SLC25A48: variants seen among roughly 807,000 people sequenced by gnomAD.
SLC25A48 encodes solute carrier family 25 member 48.
In SLC25A48, 29 loss-of-function variants were observed where a neutral mutation model predicts 32.2. That is an observed-to-expected ratio of 0.90 (90% confidence interval 0.67 to 1.23). The LOEUF (loss-of-function observed/expected upper bound fraction) is 1.23, where lower values mean the gene tolerates loss of function less well. Among genes scored for constraint, SLC25A48 ranks in the 50% most tolerant of loss-of-function variants. The pLI, the probability that SLC25A48 is intolerant of heterozygous loss-of-function variation, is 0.00. For synonymous variants in SLC25A48, 164 were observed against 172.3 expected, an observed-to-expected ratio of 0.95 and a Z score of 0.38; for missense variants, 399 against 422.7, an observed-to-expected ratio of 0.94 and a Z score of 0.49.
intron 3 of SLC25A48, among the ~76,000 whole-genome samples, chr5:135,726,601 C>T (rs901884303): frequency 3.3e-5 from 5 of 152,158 alleles, no homozygotes; most frequent in East Asian, 1.9e-4. Context: ...TCTTACTCAG[C>T]GTAATGCTCT....
At chr5:135,699,848 A>G (rs1263506501) in intron 3 of SLC25A48, among the ~76,000 whole-genome samples, 1 of 152,166 alleles carries the variant, frequency 6.6e-6, no homozygotes, top group Non-Finnish European at 1.5e-5. Flanking sequence ...TTTAATATCC[A>G]GTCTCTTATT....
chr5:135,839,866 C>T (rs1358736682), intron 1 of SLC25A48, among the ~76,000 whole-genome samples: 1 of 152,198 alleles, frequency 6.6e-6, no homozygotes, highest in Non-Finnish European at 1.5e-5. Context: ...GTTCCCCAAG[C>T]TCTCTTTTTG....
chr5:135,770,085 C>CA (rs1554073418), intron 3 of SLC25A48, among the ~76,000 whole-genome samples: 16 of 151,038 alleles, frequency 1.1e-4, no homozygotes, highest in Admixed American at 7.3e-4. Context: ...TCCTAATAGC[C>CA]GGGGGGGAGA....
intron 1 of SLC25A48, among the ~76,000 whole-genome samples, chr5:135,593,248 G>T (rs967586288): frequency 6.6e-6 from 1 of 152,154 alleles, no homozygotes; most frequent in African/African-American, 2.4e-5. Flanking sequence ...CAGAAGCCAG[G>T]ACTTCTTGAT....
intron 1 of SLC25A48, among the ~76,000 whole-genome samples, chr5:135,586,221 G>T (rs551971844): frequency 6.6e-6 from 1 of 152,050 alleles, no homozygotes; most frequent in African/African-American, 2.4e-5. Context: ...GTGGGGGGAC[G>T]CTCCCTACCT....
chr5:135,867,293 G>C (rs893286451), intron 4 of SLC25A48, among the ~76,000 whole-genome samples: 1 of 152,180 alleles, frequency 6.6e-6, no homozygotes, highest in African/African-American at 2.4e-5. Context: ...GCACCTCGTA[G>C]TCTTCCTCAG....
At chr5:135,803,094 G>A (rs888970396) in intron 3 of SLC25A48, 12 of 151,270 alleles carry the variant, frequency 7.9e-5, no homozygotes, top group Middle Eastern at 3.2e-3. Flanking sequence ...AATATCCTAT[G>A]GAGGTATTAC....
intron 3 of SLC25A48, among the ~76,000 whole-genome samples, chr5:135,781,891 C>T (rs1305464460): frequency 1.8e-5 from 2 of 113,380 alleles, no homozygotes; most frequent in East Asian, 4.4e-4. Context: ...TGTTCACTTC[C>T]CATGTGATAT....
intron 1 of SLC25A48, among the ~76,000 whole-genome samples, chr5:135,588,084 G>T (rs1314942855): frequency 6.6e-6 from 1 of 152,270 alleles, no homozygotes; most frequent in Non-Finnish European, 1.5e-5. Flanking sequence ...TGCTCCTGGT[G>T]TCGTGGCTGA....
chr5:135,886,665 TGTGTGTGTGAGAGA>T (rs1561567888), intron 7 of SLC25A48, among the ~76,000 whole-genome samples: 8 of 102,514 alleles, frequency 7.8e-5, no homozygotes, highest in African/African-American at 2.3e-4. Context: ...TGTGTGTGTG[TGTGTGTGTGAGAGA>T]GAGAGAGAGA....
At chr5:135,743,780 G>A (rs1013735077) in intron 3 of SLC25A48, among the ~76,000 whole-genome samples, 2 of 152,174 alleles carry the variant, frequency 1.3e-5, no homozygotes, top group Non-Finnish European at 1.5e-5. Context: ...CATCTCCATC[G>A]TGGGATGACT....
intron 1 of SLC25A48, among the ~76,000 whole-genome samples, chr5:135,594,047 C>T (rs1216363881): frequency 6.6e-6 from 1 of 152,302 alleles, no homozygotes; most frequent in South Asian, 2.1e-4. Context: ...AATGAATGAA[C>T]AGTCCCCCGA....
chr5:135,786,256 A>G (rs1756846652), intron 3 of SLC25A48, among the ~76,000 whole-genome samples: 1 of 151,912 alleles, frequency 6.6e-6, no homozygotes, highest in Non-Finnish European at 1.5e-5. Flanking sequence ...GGGTGATATT[A>G]CTCCCAATTC....
At chr5:135,861,330 C>CAA (rs1397427780) in intron 4 of SLC25A48, among the ~76,000 whole-genome samples, 1 of 152,024 alleles carries the variant, frequency 6.6e-6, no homozygotes, top group Non-Finnish European at 1.5e-5. Flanking sequence ...CACACACACA[C>CAA]ACACACACAC....
intron 2 of SLC25A48, among the ~76,000 whole-genome samples, chr5:135,631,581 C>T (rs1192694333): frequency 6.6e-6 from 1 of 152,148 alleles, no homozygotes; most frequent in Non-Finnish European, 1.5e-5. Flanking sequence ...CCAGGGTGAC[C>T]CAACAAATGG....
At chr5:135,758,390 T>G (rs975981420) in intron 3 of SLC25A48, among the ~76,000 whole-genome samples, 19 of 150,826 alleles carry the variant, frequency 1.3e-4, no homozygotes, top group Non-Finnish European at 2.5e-4. Context: ...TACTGTGATA[T>G]TAATAGAATA....
chr5:135,874,222 T>C, intron 6 of SLC25A48, 68 bp downstream of exon 6: 2 of 1,390,968 alleles, frequency 1.4e-6, no homozygotes, highest in Non-Finnish European at 1.9e-6. Flanking sequence ...TTTAGGGGGA[T>C]GTGGGACTAT....
intron 2 of SLC25A48, among the ~76,000 whole-genome samples, chr5:135,630,446 C>T (rs1211488841): frequency 1.3e-5 from 2 of 152,090 alleles, no homozygotes; most frequent in Non-Finnish European, 2.9e-5. Context: ...ATAGGCAGAT[C>T]CTTGACTTGA....
At chr5:135,805,125 A>G (rs1212047672) in intron 3 of SLC25A48, among the ~76,000 whole-genome samples, 4 of 151,004 alleles carry the variant, frequency 2.6e-5, no homozygotes, top group African/African-American at 9.7e-5. Context: ...ATTACTCCTA[A>G]TATAATATCA....
Sources: allele counts gnomAD v4.1 joint callset (sites outside exome capture counted in the v4.1 genomes callset), GRCh38; gene constraint gnomAD v4.1.1; transcripts MANE v1.5; gene names NCBI Gene and HGNC (gene_info 2026-07-23, HGNC 2026-07-21).